The following ZC3HAV1 variants were observed in gnomAD, a reference collection of about 807,000 sequenced individuals.
ZC3HAV1 encodes the protein zinc finger CCCH-type containing, antiviral 1, also known as zinc finger CCCH-type antiviral protein 1.
ZC3HAV1 carries 41 observed loss-of-function variants against 86.6 expected under a neutral mutation model. That is an observed-to-expected ratio of 0.47 (90% CI 0.37 to 0.61). ZC3HAV1 has a LOEUF of 0.61. ZC3HAV1 is among the 20% of genes least tolerant of loss of function. ZC3HAV1 has a pLI of 0.00. For synonymous variants in ZC3HAV1, 421 were observed against 432.1 expected (o/e 0.97, Z 0.32); for missense variants, 964 against 1,141.1 (o/e 0.84, Z 2.24).
chr7:139,096,644 G>T (rs755270299), intron 1 of ZC3HAV1, among the ~76,000 whole-genome samples: 19 of 152,092 alleles, frequency 1.2e-4, no homozygotes, highest in Admixed American at 4.6e-4. Context: ...CCTAATCTCT[G>T]AGAAAGATCA....
rs1024736449 is a variant in ZC3HAV1 at position 139,079,843 on chromosome 7, C to T, written c.1098G>A (p.Thr366=). ...APNWKSLTSW[T]NDQGARRKTV... ...TCTTTCTCCTGGCGCCTTGGTCATT[C>T]GTCCAGGATGTGAGGCTCTTCCAGT... The change falls in exon 4 of 13, where the codon ACG becomes ACA. Residue 366 remains threonine, a synonymous_variant. Transcript: ENST00000242351. 1.9e-6 allele frequency: 3 copies of T among 1,614,132 alleles called. No homozygotes were observed. Among genetic ancestry groups the T allele is most frequent in the South Asian group, 1.1e-5 (1 of 91,068 alleles).
Position 139,080,132 on chromosome 7 carries a change from C to G in ZC3HAV1, c.809G>C (p.Arg270Thr), listed in dbSNP as rs145812367. The change falls in exon 4 of 13, where the codon AGG becomes ACG. Residue 270 changes from arginine (R) to threonine (T), a missense_variant. Physicochemically the swap from Arg to Thr is moderately conservative, Grantham distance 71. Transcript: ENST00000242351. ...CTGATCTGGACTAGGTGTGCAGGAC[C>G]TCTCAGCAGACGCTGAAGCAGACGC... ...FLASASASAERSCTPSPDQIS... is the reference protein window; with the variant it reads ...FLASASASAETSCTPSPDQIS... The G allele has an allele frequency of 1.4e-4, 219 of 1,614,196 alleles. No homozygotes were observed. The African/African-American group carries it at 2.5e-3, about 18-fold the overall frequency.
At chr7:139,101,256 T>G (rs866188824) in intron 1 of ZC3HAV1, among the ~76,000 whole-genome samples, 6 of 151,162 alleles carry the variant, frequency 4.0e-5, no homozygotes, top group South Asian at 2.1e-4. Context: ...GCCTCTGCCC[T>G]GCCGCCACCC....
rs1363033923 is a variant in ZC3HAV1, at chr7:139,089,632, TA to T, written c.435del (p.Phe145LeufsTer49). On this transcript the variant is annotated frameshift_variant, in exon 2 of 13. Transcript: ENST00000242351. LOFTEE classifies it high-confidence loss of function. Reference sequence around the variant, plus strand: ...GAGGAATCACAACTTACCTCGGGCATAAAAAAAGGATCACTTTGGAGGAGGA... The same window carrying T: ...GAGGAATCACAACTTACCTCGGGCATAAAAAAGGATCACTTTGGAGGAGGA... ...AVLLLQSDPF[F>X]MPEICKSYKG... is the part of the protein sequence containing the mutation. The T allele has an allele frequency of 6.9e-6, 11 of 1,603,316 alleles. No homozygotes were observed. The highest frequency in any genetic ancestry group is 3.4e-5 in the South Asian group (3 of 88,992).
At chr7:139,097,410 ATATATATATATATATATATTTTT>A (rs1164615901) in intron 1 of ZC3HAV1, among the ~76,000 whole-genome samples, 1 of 73,178 alleles carries the variant, frequency 1.4e-5, no homozygotes, top group Non-Finnish European at 2.4e-5. Flanking sequence ...CCATATATAT[ATATATATATATATATATATTTTT>A]TTTTTTTTTT....
chr7:139,098,122 G>GT (rs1032098620), intron 1 of ZC3HAV1, among the ~76,000 whole-genome samples: 8 of 151,344 alleles, frequency 5.3e-5, no homozygotes, highest in Non-Finnish European at 8.8e-5. Flanking sequence ...ATTTTTTTTT[G>GT]TTTTTTTAGT....
intron 3 of ZC3HAV1, among the ~76,000 whole-genome samples, chr7:139,080,681 C>G (rs1313937793): frequency 1.3e-5 from 2 of 152,174 alleles, no homozygotes; most frequent in Non-Finnish European, 2.9e-5. Context: ...TCTAGGATGA[C>G]AGTCCCCGGC....
chr7:139,098,778 T>C (rs1411019178), intron 1 of ZC3HAV1, among the ~76,000 whole-genome samples: 1 of 152,210 alleles, frequency 6.6e-6, no homozygotes, highest in African/African-American at 2.4e-5. Flanking sequence ...GCTCCCCTGC[T>C]GCAATTTGGT....
chr7:139,044,604 T>C lies in ZC3HAV1; in HGVS notation c.*2990A>G, dbSNP rs2130651423. The C allele has an allele frequency of 6.6e-6, 1 of 152,484 alleles. No homozygotes were observed. Among genetic ancestry groups the C allele is most frequent in the Non-Finnish European group, 1.5e-5 (1 of 68,020 alleles). The allele number at this position is 152,484 out of a possible 1,614,324, so 9.4% of individuals were successfully genotyped here. A position where few individuals can be genotyped will look rare whatever the true frequency, so the allele number is the denominator to read the frequency against. The stretch of plus-strand genomic sequence containing the variant: ...CTCTGAAAAAGGTGAATAGATCTGA[T>C]AGGGTTTGTGGTTGTCACCGTGACT... On this transcript the variant is annotated 3_prime_UTR_variant, in exon 13 of 13. Coordinates refer to ENST00000242351, the MANE Select transcript of ZC3HAV1 (RefSeq NM_020119.4).
chr7:139,101,211 CGCCT>C (rs921761041), intron 1 of ZC3HAV1, among the ~76,000 whole-genome samples: 6 of 151,780 alleles, frequency 4.0e-5, no homozygotes, highest in Non-Finnish European at 8.8e-5. Flanking sequence ...ACCTCCCAGC[CGCCT>C]GCCTTGGCCT....
intron 7 of ZC3HAV1, 61 bp downstream of exon 7, chr7:139,073,795 G>C: frequency 6.6e-7 from 1 of 1,509,866 alleles, no homozygotes. Flanking sequence ...CCAGCCAACA[G>C]TGTTCTTTTT....
chr7:139,047,373 C>T lies in ZC3HAV1; in HGVS notation c.*221G>A. 1.8e-6 allele frequency: 1 copy of T among 542,884 alleles called. No individual in the cohort carries two copies. The allele number at this position is 542,884 out of a possible 1,614,324, so 33.6% of individuals were successfully genotyped here. On this transcript the variant is annotated 3_prime_UTR_variant, in exon 13 of 13. Transcript: ENST00000242351. Reference sequence around the variant, plus strand: ...AAAATACAACTGCCTGGCGCTGACGCCCAGAAATGATTTCATTGGCATGGG... The same window carrying T: ...AAAATACAACTGCCTGGCGCTGACGTCCAGAAATGATTTCATTGGCATGGG...
rs767746007 is a variant in ZC3HAV1, at chr7:139,054,113, T to A, written c.2188-18A>T. 1 of 1,550,546 alleles carries A rather than the reference T, an allele frequency of 6.4e-7. No homozygotes were observed. The highest frequency in any genetic ancestry group is 1.2e-5 in the South Asian group (1 of 80,970). Reference sequence around the variant, plus strand: ...TCTGACAACTAATAAAGTTTAAAAATAGATAAATGTGAAATAGGAAACATT... The same window carrying A: ...TCTGACAACTAATAAAGTTTAAAAAAAGATAAATGTGAAATAGGAAACATT... On this transcript the variant is annotated intron_variant, in intron 10 of 12. Coordinates refer to ENST00000242351, the MANE Select transcript of ZC3HAV1 (RefSeq NM_020119.4).
At chr7:139,095,226 G>A (rs185585294) in intron 1 of ZC3HAV1, among the ~76,000 whole-genome samples, 7 of 152,166 alleles carry the variant, frequency 4.6e-5, no homozygotes, top group South Asian at 4.1e-4. Flanking sequence ...CAACCCTAAC[G>A]CGATATTATT....
At chr7:139,093,087 C>G (rs1293367499) in intron 1 of ZC3HAV1, among the ~76,000 whole-genome samples, 1 of 152,180 alleles carries the variant, frequency 6.6e-6, no homozygotes, top group East Asian at 1.9e-4. Flanking sequence ...GTGACAGGAA[C>G]TTTACCTATG....
chr7:139,101,477 CG>C (rs1563142311), intron 1 of ZC3HAV1, among the ~76,000 whole-genome samples: 1 of 105,632 alleles, frequency 9.5e-6, no homozygotes, highest in Non-Finnish European at 1.9e-5. Context: ...ATGTGAGGAG[CG>C]CCTCAGCCCG....
chr7:139,067,172 T>C (rs1003166251), intron 7 of ZC3HAV1, among the ~76,000 whole-genome samples: 5 of 151,808 alleles, frequency 3.3e-5, no homozygotes, highest in African/African-American at 1.2e-4. Context: ...TTTCAGGGTG[T>C]CCCTTTCCCT....
chr7:139,079,705 G>C lies in ZC3HAV1; in HGVS notation c.1236C>G (p.Ile412Met), dbSNP rs374328599. 9 of 1,614,080 alleles carry C rather than the reference G, an allele frequency of 5.6e-6. No individual in the cohort carries two copies. Among genetic ancestry groups the C allele is most frequent in the Non-Finnish European group, 6.8e-6 (8 of 1,180,044 alleles). The change falls in exon 4 of 13, where the codon ATC becomes ATG. Residue 412 changes from isoleucine (I) to methionine (M), a missense_variant. Transcript: ENST00000242351. ...GTGLLSSDYR[I>M]INGKSGTQDI... ...CCTGAGTTCCACTTTTGCCATTGAT[G>C]ATCCTGTAGTCTGAGGAAAGCAAGC...
At chr7:139,103,705 A>G (rs1336965187) in intron 1 of ZC3HAV1, among the ~76,000 whole-genome samples, 2 of 152,236 alleles carry the variant, frequency 1.3e-5, no homozygotes, top group African/African-American at 2.4e-5. Flanking sequence ...ACGATTTGGT[A>G]TAACAAAAAC....
Sources: allele counts gnomAD v4.1 joint callset (sites outside exome capture counted in the v4.1 genomes callset), GRCh38; gene constraint gnomAD v4.1.1; transcripts MANE v1.5; gene names NCBI Gene and HGNC (gene_info 2026-07-23, HGNC 2026-07-21).